SLIT2: variants seen among roughly 807,000 people sequenced by gnomAD.
SLIT2 encodes the protein slit homolog 2 protein.
SLIT2 carries 41 observed loss-of-function variants against 185.7 expected under a neutral mutation model. That is an observed-to-expected ratio of 0.22 (90% CI 0.17 to 0.29). SLIT2 has a LOEUF of 0.29. Among genes scored for constraint, SLIT2 ranks in the 10% least tolerant of loss-of-function variants. SLIT2 has a pLI of 1.00. For missense variants in SLIT2, 1,571 were observed against 1,909.0 expected (o/e 0.82, Z 3.30); for synonymous variants, 693 against 680.2 (o/e 1.02, Z -0.29).
chr4:20,301,314 G>T (rs1320631454), intron 4 of SLIT2, among the ~76,000 whole-genome samples: 1 of 151,906 alleles, frequency 6.6e-6, no homozygotes, highest in Non-Finnish European at 1.5e-5. Context: ...CTGGCTATTT[G>T]AAACTTTCTG....
chr4:20,495,308 T>A (rs1324739140), intron 9 of SLIT2, among the ~76,000 whole-genome samples: 1 of 152,244 alleles, frequency 6.6e-6, no homozygotes, highest in East Asian at 1.9e-4. Flanking sequence ...AAAGTCAGAA[T>A]GAGTTTAGAG....
intron 1 of SLIT2, among the ~76,000 whole-genome samples, chr4:20,255,418 C>G (rs1711710066): frequency 6.6e-6 from 1 of 152,196 alleles, no homozygotes; most frequent in Non-Finnish European, 1.5e-5. Flanking sequence ...CGGGGCTCTA[C>G]TAGGGGTGCC....
At chr4:20,334,394 CAG>C (rs1267514850) in intron 4 of SLIT2, among the ~76,000 whole-genome samples, 1 of 152,102 alleles carries the variant, frequency 6.6e-6, no homozygotes, top group African/African-American at 2.4e-5. Flanking sequence ...GCAAAGGAAA[CAG>C]TTAACTGGAA....
At chr4:20,411,373 G>C (rs1377892448) in intron 4 of SLIT2, among the ~76,000 whole-genome samples, 1 of 152,100 alleles carries the variant, frequency 6.6e-6, no homozygotes, top group Non-Finnish European at 1.5e-5. Flanking sequence ...TATCTTCCCA[G>C]TATATAGATG....
At chr4:20,267,427 C>T (rs1713148131) in intron 3 of SLIT2, among the ~76,000 whole-genome samples, 1 of 151,822 alleles carries the variant, frequency 6.6e-6, no homozygotes, top group African/African-American at 2.4e-5. Flanking sequence ...AGATGATCAA[C>T]TTCTTTCTGA....
intron 33 of SLIT2, among the ~76,000 whole-genome samples, chr4:20,605,688 G>A (rs375632585): frequency 7.5e-5 from 11 of 145,948 alleles, no homozygotes; most frequent in African/African-American, 2.6e-4. Flanking sequence ...CTGATGTGTC[G>A]ATCACTGCTT....
At chr4:20,346,810 C>T (rs939889155) in intron 4 of SLIT2, among the ~76,000 whole-genome samples, 1 of 152,046 alleles carries the variant, frequency 6.6e-6, no homozygotes. Flanking sequence ...GTCTGATATT[C>T]GAGGGCAGGA....
At chr4:20,285,465 A>G (rs1715172379) in intron 4 of SLIT2, among the ~76,000 whole-genome samples, 1 of 152,214 alleles carries the variant, frequency 6.6e-6, no homozygotes, top group African/African-American at 2.4e-5. Flanking sequence ...CAGAAAACTG[A>G]GATAAGCACA....
At chr4:20,601,052 C>T (rs936211842) in intron 33 of SLIT2, among the ~76,000 whole-genome samples, 7 of 152,044 alleles carry the variant, frequency 4.6e-5, no homozygotes, top group African/African-American at 9.7e-5. Flanking sequence ...TAAATATAAG[C>T]ACTTACATTT....
In SLIT2 at chr4:20,345,547, T is replaced by C. The variant is rs1721326809; in HGVS notation, c.395+76666T>C. ...CTTTTTTCCTTTTTTCTTTTTTCTT[T>C]TTTTTTGAGATAGAGTCTCACTTTG... On this transcript the variant is annotated intron_variant, in intron 4 of 36. Coordinates refer to ENST00000504154, the MANE Select transcript of SLIT2 (RefSeq NM_004787.4). Among the ~76,000 whole-genome samples the C allele has an allele frequency of 2.0e-5, 3 of 149,370 alleles. No individual in the cohort carries two copies. The South Asian group carries it at 6.4e-4, about 32-fold the overall frequency.
At chr4:20,343,310 G>C (rs1391297920) in intron 4 of SLIT2, among the ~76,000 whole-genome samples, 3 of 152,028 alleles carry the variant, frequency 2.0e-5, no homozygotes, top group African/African-American at 7.2e-5. Context: ...ATATAAATGA[G>C]AACATGTAGT....
At chr4:20,535,995 G>A (rs1314560679) in intron 18 of SLIT2, among the ~76,000 whole-genome samples, 1 of 152,170 alleles carries the variant, frequency 6.6e-6, no homozygotes, top group Non-Finnish European at 1.5e-5. Context: ...TTGCTCCTGG[G>A]CTACAAACCT....
chr4:20,469,969 GGT>G (rs1259355491), intron 5 of SLIT2, among the ~76,000 whole-genome samples: 4 of 151,762 alleles, frequency 2.6e-5, no homozygotes, highest in African/African-American at 9.7e-5. Context: ...TGGTCAGGCT[GGT>G]CTCGAACTCC....
intron 4 of SLIT2, among the ~76,000 whole-genome samples, chr4:20,319,263 T>C (rs544569505): frequency 1.3e-5 from 2 of 152,292 alleles, no homozygotes; most frequent in South Asian, 4.1e-4. Context: ...AGTTCCTGTG[T>C]TTTCAAATTT....
chr4:20,467,209 G>A (rs998753014), intron 4 of SLIT2, among the ~76,000 whole-genome samples: 1 of 152,124 alleles, frequency 6.6e-6, no homozygotes, highest in African/African-American at 2.4e-5. Context: ...TGCATAAACT[G>A]TTCGTTTTAT....
chr4:20,433,579 C>T (rs1309356430), intron 4 of SLIT2, among the ~76,000 whole-genome samples: 1 of 151,980 alleles, frequency 6.6e-6, no homozygotes, highest in Non-Finnish European at 1.5e-5. Flanking sequence ...CTATTTTTTG[C>T]CATTGTATCC....
At chr4:20,501,675 G>T (rs1044416541) in intron 9 of SLIT2, among the ~76,000 whole-genome samples, 1 of 152,060 alleles carries the variant, frequency 6.6e-6, no homozygotes, top group Admixed American at 6.6e-5. Context: ...AGTGTAAAAA[G>T]AATTATGTAA....
At position 20,617,052 on chromosome 4, in the gene SLIT2, G is replaced by A. The variant is rs1402470239; in HGVS notation, c.3990G>A (p.Leu1330=). 1 of 1,614,196 alleles carries A rather than the reference G, an allele frequency of 6.2e-7. No individual in the cohort carries two copies. The highest frequency in any genetic ancestry group is 2.2e-5 in the East Asian group (1 of 44,856). Residue 1330 remains leucine, a synonymous_variant, in exon 35 of 37, where the codon TTG becomes TTA. Transcript: ENST00000504154. The part of the protein sequence containing the change: ...FQKVPMQTGI[L]PGCEPCHKKV... Reference sequence around the variant, plus strand: ...AGGTGCCGATGCAAACAGGCATTTTGCCTGGCTGTGAGCCATGCCACAAGA... The same window carrying A: ...AGGTGCCGATGCAAACAGGCATTTTACCTGGCTGTGAGCCATGCCACAAGA...
At chr4:20,378,997 A>G (rs1381061506) in intron 4 of SLIT2, among the ~76,000 whole-genome samples, 1 of 152,190 alleles carries the variant, frequency 6.6e-6, no homozygotes, top group Non-Finnish European at 1.5e-5. Context: ...AAAAGGCTAC[A>G]TACAGTGTGA....
Sources: gnomAD v4.1 joint callset for allele counts (sites outside exome capture counted in the v4.1 genomes callset) on GRCh38, gnomAD v4.1.1 for gene constraint, MANE v1.5 for transcripts, NCBI Gene and HGNC (gene_info 2026-07-23, HGNC 2026-07-21) for gene names.